The following MTAP variants were observed in gnomAD, a reference collection of about 807,000 sequenced individuals.
The protein encoded by MTAP is methylthioadenosine phosphorylase.
MTAP carries 33 observed loss-of-function variants against 33.6 expected under a neutral mutation model. The observed-to-expected ratio is 0.98, with a 90% confidence interval of 0.74 to 1.31. The LOEUF is 1.31. Among genes scored for constraint, MTAP ranks in the 40% most tolerant of loss-of-function variants. The pLI is 0.00. For missense variants in MTAP, 367 were observed against 360.0 expected (o/e 1.02, Z -0.16); for synonymous variants, 148 against 125.7 (o/e 1.18, Z -1.19).
intron 1 of MTAP, among the ~76,000 whole-genome samples, chr9:21,910,374 A>G (rs1331525866): frequency 1.1e-4 from 16 of 152,232 alleles, no homozygotes; most frequent in Non-Finnish European, 2.9e-5. Flanking sequence ...GAAAAAAATA[A>G]AACTAGTGTA....
intron 1 of MTAP, among the ~76,000 whole-genome samples, chr9:21,891,373 A>C (rs762576916): frequency 7.6e-4 from 116 of 152,270 alleles, no homozygotes; most frequent in Middle Eastern, 3.4e-3. Flanking sequence ...GGTGATACCT[A>C]CTCCAAGGAA....
At chr9:21,884,522 TAAAC>T (rs1350047638) in intron 1 of MTAP, among the ~76,000 whole-genome samples, 5 of 152,214 alleles carry the variant, frequency 3.3e-5, no homozygotes, top group Non-Finnish European at 7.3e-5. Flanking sequence ...CTGGATGCCT[TAAAC>T]AACAAACATT....
intron 5 of MTAP, among the ~76,000 whole-genome samples, chr9:21,841,144 C>G (rs1194385022): frequency 6.6e-6 from 1 of 152,194 alleles, no homozygotes; most frequent in East Asian, 1.9e-4. Context: ...CCTGCCCCAA[C>G]CTGATGGTAT....
chr9:21,878,494 T>C (rs927498892), intron 1 of MTAP, among the ~76,000 whole-genome samples: 4 of 152,040 alleles, frequency 2.6e-5, no homozygotes, highest in South Asian at 2.1e-4. Flanking sequence ...TTATTCTATT[T>C]ATTTATTTAG....
At chr9:21,824,235 A>G (rs1824725099) in intron 4 of MTAP, among the ~76,000 whole-genome samples, 1 of 152,032 alleles carries the variant, frequency 6.6e-6, no homozygotes, top group Admixed American at 6.6e-5. Flanking sequence ...TTGTGGTTTT[A>G]TCTACCTTTG....
intron 4 of MTAP, among the ~76,000 whole-genome samples, chr9:21,830,444 C>A (rs1824938290): frequency 6.6e-6 from 1 of 152,276 alleles, no homozygotes; most frequent in East Asian, 1.9e-4. Flanking sequence ...TGTACAAGGT[C>A]CCCATTGTTA....
intron 1 of MTAP, among the ~76,000 whole-genome samples, chr9:21,926,688 G>A (rs1818874908): frequency 6.6e-6 from 1 of 152,156 alleles, no homozygotes; most frequent in Non-Finnish European, 1.5e-5. Flanking sequence ...GGTTGAGGGT[G>A]TCTCCTACAG....
chr9:21,875,868 G>A (rs1018446710), intron 1 of MTAP, among the ~76,000 whole-genome samples: 9 of 151,760 alleles, frequency 5.9e-5, no homozygotes, highest in Non-Finnish European at 7.4e-5. Context: ...GTAGATTGAT[G>A]TATGTTCCTC....
At chr9:21,902,345 C>T (rs1587286039) in intron 1 of MTAP, among the ~76,000 whole-genome samples, 1 of 152,308 alleles carries the variant, frequency 6.6e-6, no homozygotes, top group East Asian at 1.9e-4. Flanking sequence ...TCTTAAGTCG[C>T]ATGCCTATGC....
intron 1 of MTAP, 130 bp downstream of exon 1, chr9:21,802,911 G>T: frequency 1.4e-6 from 2 of 1,454,438 alleles, no homozygotes; most frequent in South Asian, 2.9e-5. Context: ...GGAGGGACTG[G>T]GGCGCGGCAC....
intron 1 of MTAP, chr9:21,893,336 A>G (rs899662943): frequency 3.3e-5 from 5 of 152,244 alleles, no homozygotes; most frequent in Non-Finnish European, 5.9e-5. Flanking sequence ...TTATACCAAG[A>G]GGATGTAGAA....
At chr9:21,876,344 T>C (rs1826007820) in intron 1 of MTAP, among the ~76,000 whole-genome samples, 1 of 152,220 alleles carries the variant, frequency 6.6e-6, no homozygotes, top group African/African-American at 2.4e-5. Flanking sequence ...TGATAGTTTC[T>C]TTTGCTGTGC....
intron 1 of MTAP, among the ~76,000 whole-genome samples, chr9:21,918,174 C>T (rs1587296661): frequency 7.3e-6 from 1 of 136,138 alleles, no homozygotes; most frequent in East Asian, 1.9e-4. Flanking sequence ...AACGGTGAAA[C>T]CCCGTCTCTA....
At chr9:21,815,373 A>T in intron 1 of MTAP, 60 bp from the exon 2 acceptor site, 1 of 1,203,098 alleles carries the variant, frequency 8.3e-7, no homozygotes, top group Non-Finnish European at 1.2e-6. Context: ...TTTGCTTAGA[A>T]TCTTATTTCT....
chr9:21,866,959 A>T lies in MTAP; in HGVS notation c.*4945A>T, dbSNP rs1041809312. The T allele has an allele frequency of 1.3e-5, 2 of 152,186 alleles. No homozygotes were observed. Among genetic ancestry groups the T allele is most frequent in the African/African-American group, 4.8e-5 (2 of 41,466 alleles). 9.4% of individuals were successfully genotyped at this position (152,186 alleles called of 1,614,324 possible). ...AATGTATTCCTAAATATTTTGTGGA[A>T]ATGTTACTGTAAATAGTACTTTAAT... On this transcript the variant is annotated 3_prime_UTR_variant, in exon 8 of 8. Coordinates refer to ENST00000644715, the MANE Select transcript of MTAP (RefSeq NM_002451.4).
intron 1 of MTAP, among the ~76,000 whole-genome samples, chr9:21,908,117 C>T (rs1012602873): frequency 6.6e-6 from 1 of 152,158 alleles, no homozygotes; most frequent in African/African-American, 2.4e-5. Context: ...ACTCACTTTC[C>T]TTCTTCCCTC....
In MTAP at chr9:21,929,901, T is replaced by C; in HGVS notation, c.148-1107T>C. ...CCCAGTATAGCTTGTAATGTTACTC[T>C]CTCTGTAGATTCTAACCAACAGACT... On this transcript the variant is annotated intron_variant, in intron 1 of 1. Transcript: ENST00000577563. 8.1e-6 allele frequency: 3 copies of C among 369,260 alleles called. No homozygotes were observed. In the South Asian group the frequency reaches 8.3e-5, roughly 10 times the overall value. The allele number at this position is 369,260 out of a possible 1,614,324, so 22.9% of individuals were successfully genotyped here.
intron 1 of MTAP, among the ~76,000 whole-genome samples, chr9:21,914,991 T>A (rs1230612052): frequency 6.9e-6 from 1 of 144,380 alleles, no homozygotes; most frequent in Non-Finnish European, 1.5e-5. Context: ...ATATCAATAC[T>A]TTGTTTTCTT....
chr9:21,873,712 C>G (rs1346020412), intron 1 of MTAP, among the ~76,000 whole-genome samples: 2 of 150,290 alleles, frequency 1.3e-5, no homozygotes. Context: ...ACAGCAGCCA[C>G]TAAAAAGTGT....
Sources: gnomAD v4.1 joint callset for allele counts (sites outside exome capture counted in the v4.1 genomes callset) on GRCh38, gnomAD v4.1.1 for gene constraint, MANE v1.5 for transcripts, NCBI Gene and HGNC (gene_info 2026-07-23, HGNC 2026-07-21) for gene names.